SYT6: variants seen among roughly 807,000 people sequenced by gnomAD.
SYT6 encodes the protein synaptotagmin 6.
A neutral mutation model predicts 38.4 loss-of-function variants in SYT6; 24 were observed. The observed-to-expected ratio is 0.62, with a 90% CI of 0.45 to 0.88. The LOEUF (loss-of-function observed/expected upper bound fraction) is 0.88, where lower values mean the gene tolerates loss of function less well. Ranked by LOEUF, SYT6 falls within the 40% of genes least tolerant of loss-of-function variation. SYT6 has a pLI of 0.00. For synonymous variants in SYT6, 265 were observed against 241.9 expected, an observed-to-expected ratio of 1.10 and a Z score of -0.89; for missense variants, 611 against 621.0, an observed-to-expected ratio of 0.98 and a Z score of 0.17.
intron 1 of SYT6, among the ~76,000 whole-genome samples, chr1:114,143,435 A>T (rs1192836141): frequency 6.7e-6 from 1 of 148,504 alleles, no homozygotes; most frequent in Admixed American, 6.8e-5. Flanking sequence ...TATATAGTAT[A>T]AAAGTAGCAC....
chr1:114,119,872 C>G (rs1345125598), intron 3 of SYT6, among the ~76,000 whole-genome samples: 3 of 152,120 alleles, frequency 2.0e-5, no homozygotes, highest in Admixed American at 1.3e-4. Context: ...GAGATCGAGA[C>G]CATCCTGGCT....
chr1:114,133,371 T>C (rs671914), intron 3 of SYT6, among the ~76,000 whole-genome samples: 65,216 of 152,070 alleles, frequency 0.43, 15,119 homozygotes, highest in South Asian at 0.62. Flanking sequence ...GTCTGAGTCC[T>C]CTGTAGCAAT....
At chr1:114,133,193 A>T (rs1486610111) in intron 3 of SYT6, among the ~76,000 whole-genome samples, 2 of 152,116 alleles carry the variant, frequency 1.3e-5, no homozygotes, top group Non-Finnish European at 2.9e-5. Context: ...ACACATGCAC[A>T]CACACACACG....
At chr1:114,115,236 G>C (rs559625665) in intron 3 of SYT6, among the ~76,000 whole-genome samples, 1 of 152,168 alleles carries the variant, frequency 6.6e-6, no homozygotes, top group South Asian at 2.1e-4. Context: ...CTCAGGAACT[G>C]ACAACCATTG....
chr1:114,127,949 C>A (rs79782500), intron 3 of SYT6, among the ~76,000 whole-genome samples: 2 of 152,336 alleles, frequency 1.3e-5, no homozygotes, highest in East Asian at 1.9e-4. Context: ...CACAAGGGAG[C>A]CTTGCAGCCC....
chr1:114,147,446 G>A (rs1440182419), intron 1 of SYT6, among the ~76,000 whole-genome samples: 1 of 152,266 alleles, frequency 6.6e-6, no homozygotes, highest in Non-Finnish European at 1.5e-5. Context: ...AGGAGCTCTA[G>A]TATTTCATGG....
chr1:114,120,201 A>G (rs1677306998), intron 3 of SYT6, among the ~76,000 whole-genome samples: 1 of 152,236 alleles, frequency 6.6e-6, no homozygotes, highest in Non-Finnish European at 1.5e-5. Context: ...ATGAGGTCTC[A>G]GAATTCAAAG....
intron 1 of SYT6, among the ~76,000 whole-genome samples, chr1:114,153,134 G>A (rs1044555498): frequency 1.3e-5 from 2 of 152,020 alleles, no homozygotes; most frequent in South Asian, 4.1e-4. Context: ...CTGGGGGTCC[G>A]CCCGCGTTCA....
chr1:114,124,967 G>A (rs1197425951), intron 3 of SYT6, among the ~76,000 whole-genome samples: 1 of 152,236 alleles, frequency 6.6e-6, no homozygotes, highest in African/African-American at 2.4e-5. Flanking sequence ...TGCACTTACA[G>A]CCTGGCACAC....
At chr1:114,097,949 G>T in intron 5 of SYT6, 72 bp from the exon 6 acceptor site, 1 of 1,562,948 alleles carries the variant, frequency 6.4e-7, no homozygotes, top group Non-Finnish European at 8.7e-7. Context: ...AGTGTGGGGG[G>T]TGGTAGGACT....
rs74112944 is a variant in SYT6 at position 114,127,419 on chromosome 1, C to A, written c.1071+10076G>T. On this transcript the variant is annotated intron_variant, in intron 3 of 7. Coordinates refer to ENST00000610222, the MANE Select transcript of SYT6 (RefSeq NM_001253772.2). ...TTGGTGGATTTTCAGCAATCCTTCT[C>A]TAGAGGAGCCTTGGCCCCTTGGGCA... Among the ~76,000 whole-genome samples the A allele has an allele frequency of 9.2e-3, 1,402 of 152,286 alleles. 25 individuals carry two copies. Among genetic ancestry groups the A allele is most frequent in the African/African-American group, 0.031 (1,301 of 41,568 alleles).
intron 6 of SYT6, among the ~76,000 whole-genome samples, chr1:114,096,929 A>T (rs1458592382): frequency 6.6e-6 from 1 of 152,188 alleles, no homozygotes; most frequent in African/African-American, 2.4e-5. Flanking sequence ...CTTCCAATCC[A>T]TTTGAGAAAA....
intron 1 of SYT6, chr1:114,152,613 A>T (rs1679503251): frequency 6.6e-6 from 1 of 152,110 alleles, no homozygotes; most frequent in Non-Finnish European, 1.5e-5. Context: ...CTGGTGCAGC[A>T]GGTAAATACC....
intron 7 of SYT6, among the ~76,000 whole-genome samples, 167 bp from the exon 8 acceptor site, chr1:114,092,249 T>G (rs1361261516): frequency 6.6e-6 from 1 of 152,076 alleles, no homozygotes; most frequent in African/African-American, 2.4e-5. Context: ...AGCTTAGAGC[T>G]TCTAGTTTGG....
intron 3 of SYT6, among the ~76,000 whole-genome samples, chr1:114,121,962 C>T (rs12027243): frequency 0.46 from 69,731 of 152,036 alleles, 16,321 homozygotes; most frequent in East Asian, 0.57. Flanking sequence ...AGGGGGAAAG[C>T]GAGAGGTGAA....
Position 114,137,612 on chromosome 1 carries a change from G to T in SYT6, c.954C>A (p.Asp318Glu), listed in dbSNP as rs376972292. The T allele has an allele frequency of 6.2e-7, 1 of 1,614,118 alleles. No homozygotes were observed. Among genetic ancestry groups the T allele is most frequent in the African/African-American group, 1.3e-5 (1 of 74,944 alleles). The stretch of plus-strand genomic sequence containing the variant: ...TGTCATGGCGGGAGAAGCGGTCAAA[G>T]TCGAAGACACTGAGATGCAGCTTGC... Reference protein sequence around the residue: ...ADRKLHLSVFDFDRFSRHDMI... With the variant: ...ADRKLHLSVFEFDRFSRHDMI... Residue 318 changes from aspartate (D) to glutamate (E), a missense_variant, in exon 3 of 8, where the codon GAC becomes GAA. Physicochemically the swap from Asp to Glu is conservative, Grantham distance 45. Coordinates refer to ENST00000610222, the MANE Select transcript of SYT6 (RefSeq NM_001253772.2).
intron 5 of SYT6, among the ~76,000 whole-genome samples, chr1:114,098,326 G>A (rs534573857): frequency 3.9e-5 from 6 of 152,302 alleles, no homozygotes; most frequent in Admixed American, 2.0e-4. Context: ...AAGTATGTTC[G>A]TCAATACTAT....
chr1:114,105,445 GA>G (rs1423732908), intron 3 of SYT6, among the ~76,000 whole-genome samples: 1 of 79,640 alleles, frequency 1.3e-5, no homozygotes, highest in Non-Finnish European at 2.5e-5. Context: ...CCAGGCCCCC[GA>G]AAAAAGTCAC....
intron 4 of SYT6, among the ~76,000 whole-genome samples, chr1:114,103,076 G>C (rs113022256): frequency 0.019 from 2,877 of 152,310 alleles, 84 homozygotes; most frequent in African/African-American, 0.065. Context: ...GAGGCCTGCA[G>C]CAAAGCCTCA....
Sources: allele counts gnomAD v4.1 joint callset (sites outside exome capture counted in the v4.1 genomes callset), GRCh38; gene constraint gnomAD v4.1.1; transcripts MANE v1.5; gene names NCBI Gene and HGNC (gene_info 2026-07-23, HGNC 2026-07-21).